CNBD1: variants seen among roughly 807,000 people sequenced by gnomAD.
CNBD1 encodes cyclic nucleotide binding domain containing 1.
A neutral mutation model predicts 54.4 loss-of-function variants in CNBD1; 71 were observed. The ratio of observed to expected loss-of-function variants is 1.30; its 90% CI spans 1.08 to 1.59. CNBD1 has a LOEUF of 1.59. CNBD1 is among the 40% of genes most tolerant of loss of function. The pLI is 0.00. For synonymous variants in CNBD1, 182 were observed against 170.7 expected, an observed-to-expected ratio of 1.07 and a Z score of -0.51; for missense variants, 659 against 518.0, an observed-to-expected ratio of 1.27 and a Z score of -2.64.
At chr8:87,193,955 T>A (rs1213957625) in intron 4 of CNBD1, among the ~76,000 whole-genome samples, 1 of 152,164 alleles carries the variant, frequency 6.6e-6, no homozygotes, top group Non-Finnish European at 1.5e-5. Flanking sequence ...GGCCATAGAC[T>A]GATACAGTGT....
intron 8 of CNBD1, among the ~76,000 whole-genome samples, chr8:87,325,810 G>A (rs1347610450): frequency 6.7e-6 from 1 of 149,188 alleles, no homozygotes; most frequent in African/African-American, 2.5e-5. Flanking sequence ...TACATTTAAA[G>A]TTTATATTGT....
At chr8:87,069,799 T>A (rs2130650464) in intron 4 of CNBD1, among the ~76,000 whole-genome samples, 1 of 152,232 alleles carries the variant, frequency 6.6e-6, no homozygotes, top group Non-Finnish European at 1.5e-5. Flanking sequence ...CATATGGGCA[T>A]ATAATACATT....
At chr8:86,934,365 T>C (rs1809508131) in intron 3 of CNBD1, among the ~76,000 whole-genome samples, 1 of 152,202 alleles carries the variant, frequency 6.6e-6, no homozygotes, top group Non-Finnish European at 1.5e-5. Context: ...TATTGAACTT[T>C]TATACCAATT....
At chr8:87,360,104 G>T (rs1337444132) in intron 10 of CNBD1, among the ~76,000 whole-genome samples, 1 of 151,908 alleles carries the variant, frequency 6.6e-6, no homozygotes, top group Non-Finnish European at 1.5e-5. Context: ...CATCTTGAAT[G>T]AATCAACAAT....
intron 10 of CNBD1, among the ~76,000 whole-genome samples, chr8:87,355,552 G>A (rs1470929069): frequency 6.6e-6 from 1 of 152,070 alleles, no homozygotes; most frequent in Non-Finnish European, 1.5e-5. Context: ...AAATACAATT[G>A]AGTATGAAGG....
At chr8:86,933,897 C>G (rs576837801) in intron 3 of CNBD1, among the ~76,000 whole-genome samples, 2 of 152,110 alleles carry the variant, frequency 1.3e-5, no homozygotes, top group South Asian at 2.1e-4. Flanking sequence ...TTATGTATCT[C>G]TATTATTTAT....
intron 4 of CNBD1, among the ~76,000 whole-genome samples, chr8:86,984,107 G>T (rs184078135): frequency 6.6e-6 from 1 of 152,176 alleles, no homozygotes; most frequent in Non-Finnish European, 1.5e-5. Flanking sequence ...TTGGCACCCT[G>T]CATCCCAGCC....
At chr8:87,354,418 T>G (rs1810378367) in intron 10 of CNBD1, among the ~76,000 whole-genome samples, 1 of 151,992 alleles carries the variant, frequency 6.6e-6, no homozygotes, top group Non-Finnish European at 1.5e-5. Flanking sequence ...ATTTTATTAT[T>G]ATTATACTTT....
At chr8:87,348,068 T>A (rs1563563665) in intron 8 of CNBD1, among the ~76,000 whole-genome samples, 1 of 152,204 alleles carries the variant, frequency 6.6e-6, no homozygotes, top group Admixed American at 6.5e-5. Flanking sequence ...TTTATTTTTT[T>A]CTTATGCCAA....
chr8:87,322,746 T>G (rs1809566129), intron 8 of CNBD1, among the ~76,000 whole-genome samples: 1 of 75,934 alleles, frequency 1.3e-5, no homozygotes, highest in African/African-American at 5.2e-5. Context: ...TTCTCCCATG[T>G]TGTAGGTTGC....
intron 3 of CNBD1, among the ~76,000 whole-genome samples, chr8:86,919,881 G>A (rs4269562): frequency 1.3e-5 from 2 of 151,770 alleles, no homozygotes; most frequent in African/African-American, 2.4e-5. Context: ...CAATTCAGAG[G>A]GTCTTGAGTG....
At chr8:87,389,181 A>T (rs537103633) in intron 2 of CNBD1, among the ~76,000 whole-genome samples, 37 of 152,220 alleles carry the variant, frequency 2.4e-4, no homozygotes, top group African/African-American at 8.7e-4. Context: ...TTCCCTTTGA[A>T]AACTGGCACA....
At chr8:86,971,173 C>T (rs1319846212) in intron 4 of CNBD1, among the ~76,000 whole-genome samples, 1 of 152,170 alleles carries the variant, frequency 6.6e-6, no homozygotes, top group Non-Finnish European at 1.5e-5. Flanking sequence ...CATACTTCCA[C>T]ATGGCTGGGG....
At chr8:87,127,251 A>T (rs1812011708) in intron 4 of CNBD1, among the ~76,000 whole-genome samples, 1 of 152,088 alleles carries the variant, frequency 6.6e-6, no homozygotes, top group Non-Finnish European at 1.5e-5. Flanking sequence ...TTTTGGGAGA[A>T]TTGAAATATT....
chr8:87,233,338 A>AGGCGCCAAGGAGT (rs1223878080), intron 5 of CNBD1, among the ~76,000 whole-genome samples: 1 of 152,180 alleles, frequency 6.6e-6, no homozygotes, highest in African/African-American at 2.4e-5. Context: ...GTTTAGTTTC[A>AGGCGCCAAGGAGT]GAGCACTGCA....
intron 4 of CNBD1, among the ~76,000 whole-genome samples, chr8:87,083,186 C>T (rs1197184080): frequency 6.6e-6 from 1 of 152,168 alleles, no homozygotes; most frequent in African/African-American, 2.4e-5. Context: ...ATATTTTATT[C>T]CCAAACATGT....
intron 2 of CNBD1, among the ~76,000 whole-genome samples, chr8:87,424,930 C>T (rs930113440): frequency 6.6e-6 from 1 of 152,074 alleles, no homozygotes; most frequent in Non-Finnish European, 1.5e-5. Flanking sequence ...CAACTTGGTT[C>T]CATTCTCCCC....
intron 2 of CNBD1, among the ~76,000 whole-genome samples, chr8:87,424,196 A>G (rs1430887852): frequency 3.3e-5 from 5 of 151,682 alleles, no homozygotes; most frequent in African/African-American, 4.9e-5. Flanking sequence ...CTAGCGGTCT[A>G]TCTATTTTGT....
chr8:87,294,321 G>A (rs1808836927), intron 8 of CNBD1, among the ~76,000 whole-genome samples: 1 of 152,276 alleles, frequency 6.6e-6, no homozygotes, highest in East Asian at 1.9e-4. Context: ...GTCTATACAT[G>A]TTGGGGATGT....
Sources: allele counts gnomAD v4.1 joint callset (sites outside exome capture counted in the v4.1 genomes callset), GRCh38; gene constraint gnomAD v4.1.1; transcripts MANE v1.5; gene names NCBI Gene and HGNC (gene_info 2026-07-23, HGNC 2026-07-21).